The following ULK4 variants were observed in gnomAD, a reference collection of about 807,000 sequenced individuals.
ULK4 encodes the protein unc-51 like kinase 4, also known as inactive serine/threonine-protein kinase ULK4.
ULK4 carries 133 observed loss-of-function variants against 160.6 expected under a neutral mutation model. The ratio of observed to expected loss-of-function variants is 0.83; its 90% CI spans 0.72 to 0.96. The LOEUF (loss-of-function observed/expected upper bound fraction) is 0.96, where lower values mean the gene tolerates loss of function less well. Among genes scored for constraint, ULK4 ranks in the 40% least tolerant of loss-of-function variants. The probability of loss-of-function intolerance (pLI) is 0.00; values close to 1 mark genes in which losing one functional copy is unlikely to be tolerated. For synonymous variants in ULK4, 534 were observed against 539.8 expected (o/e 0.99, Z 0.15); for missense variants, 1,580 against 1,499.5 (o/e 1.05, Z -0.89).
intron 30 of ULK4, among the ~76,000 whole-genome samples, chr3:41,635,669 A>G (rs566096475): frequency 3.9e-5 from 6 of 152,310 alleles, no homozygotes; most frequent in Non-Finnish European, 7.4e-5. Flanking sequence ...CCATGCTTCA[A>G]TTAATGTCTA....
intron 30 of ULK4, among the ~76,000 whole-genome samples, chr3:41,651,932 G>C (rs1239961441): frequency 6.6e-6 from 1 of 152,144 alleles, no homozygotes; most frequent in East Asian, 1.9e-4. Context: ...ACCATGGAGA[G>C]CTCTCTGCTA....
chr3:41,867,836 C>G (rs1696951605), intron 17 of ULK4, among the ~76,000 whole-genome samples: 1 of 152,228 alleles, frequency 6.6e-6, no homozygotes, highest in African/African-American at 2.4e-5. Context: ...CCCCTTATTA[C>G]TCAGCTTTAA....
chr3:41,311,011 T>A (rs1017113920), intron 35 of ULK4, among the ~76,000 whole-genome samples: 2 of 146,420 alleles, frequency 1.4e-5, no homozygotes, highest in Non-Finnish European at 3.0e-5. Flanking sequence ...ATAATAATAA[T>A]AAATAAATAA....
chr3:41,619,595 C>G (rs768547618), intron 30 of ULK4, among the ~76,000 whole-genome samples: 1 of 152,240 alleles, frequency 6.6e-6, no homozygotes, highest in African/African-American at 2.4e-5. Context: ...GTACCAGAAT[C>G]TCTGGGACAC....
intron 32 of ULK4, among the ~76,000 whole-genome samples, chr3:41,552,243 A>G (rs373856696): frequency 5.3e-5 from 8 of 152,052 alleles, no homozygotes; most frequent in Non-Finnish European, 1.0e-4. Flanking sequence ...ACAACATAAA[A>G]TTGGAAATCC....
At chr3:41,507,748 A>T (rs910614421) in intron 32 of ULK4, among the ~76,000 whole-genome samples, 2 of 152,158 alleles carry the variant, frequency 1.3e-5, no homozygotes, top group African/African-American at 4.8e-5. Context: ...GTTGAATCCC[A>T]GTATAGTTAT....
chr3:41,807,603 T>C (rs1354828037), intron 19 of ULK4, among the ~76,000 whole-genome samples: 3 of 152,162 alleles, frequency 2.0e-5, no homozygotes, highest in Non-Finnish European at 1.5e-5. Context: ...TTAAATGAGA[T>C]AGCACACAGG....
intron 30 of ULK4, among the ~76,000 whole-genome samples, chr3:41,620,124 AC>A: frequency 6.6e-6 from 1 of 152,182 alleles, no homozygotes; most frequent in South Asian, 2.1e-4. Context: ...GTATTTAATA[AC>A]CTACTGGCCA....
chr3:41,933,502 T>C (rs1441864622), intron 4 of ULK4, among the ~76,000 whole-genome samples: 2 of 152,186 alleles, frequency 1.3e-5, no homozygotes, highest in Non-Finnish European at 2.9e-5. Flanking sequence ...TATACAAAAA[T>C]AGGAATCCTG....
intron 35 of ULK4, among the ~76,000 whole-genome samples, chr3:41,270,142 T>C (rs1228200796): frequency 6.6e-6 from 1 of 152,126 alleles, no homozygotes; most frequent in Non-Finnish European, 1.5e-5. Flanking sequence ...AAAAGCGATC[T>C]GTCATATGAA....
intron 34 of ULK4, among the ~76,000 whole-genome samples, chr3:41,445,020 C>T (rs534108721): frequency 6.0e-4 from 91 of 152,228 alleles, no homozygotes; most frequent in African/African-American, 1.9e-3. Flanking sequence ...GCAACCTCAG[C>T]GAAGTCTCAG....
At chr3:41,434,445 C>G (rs980382708) in intron 34 of ULK4, among the ~76,000 whole-genome samples, 1 of 152,148 alleles carries the variant, frequency 6.6e-6, no homozygotes, top group African/African-American at 2.4e-5. Context: ...TATACCCACA[C>G]ATATACATAT....
intron 2 of ULK4, among the ~76,000 whole-genome samples, chr3:41,953,030 A>G (rs374969728): frequency 3.3e-5 from 5 of 152,160 alleles, no homozygotes; most frequent in East Asian, 1.9e-4. Context: ...ATAGTTGCCA[A>G]AAGCTGGAGA....
chr3:41,591,497 A>G (rs2031304965), intron 31 of ULK4, among the ~76,000 whole-genome samples: 1 of 151,806 alleles, frequency 6.6e-6, no homozygotes, highest in Admixed American at 6.6e-5. Context: ...ATGAGCTTAA[A>G]AAAAAAAAAG....
intron 18 of ULK4, among the ~76,000 whole-genome samples, chr3:41,824,718 C>G (rs1182446875): frequency 1.3e-5 from 2 of 152,184 alleles, no homozygotes; most frequent in Non-Finnish European, 2.9e-5. Context: ...CTGCCTGCCT[C>G]TGTAGACTCC....
chr3:41,517,568 T>C (rs1256114792), intron 32 of ULK4, among the ~76,000 whole-genome samples: 1 of 152,218 alleles, frequency 6.6e-6, no homozygotes, highest in Admixed American at 6.5e-5. Flanking sequence ...ATTTCTGTTC[T>C]TCATAAATTA....
At position 41,785,556 on chromosome 3, in the gene ULK4, C is replaced by T. The variant is rs546204823; in HGVS notation, c.2193+4105G>A. ...GAGACTGGGTTTCCATTGTAAAAGA[C>T]CATAATATATGAGCGTCAATCCCGC... On this transcript the variant is annotated intron_variant, in intron 21 of 36. Transcript: ENST00000301831. 1.8e-4 allele frequency among the ~76,000 whole-genome samples: 27 copies of T among 152,196 alleles called. No homozygotes were observed. In the South Asian group the frequency reaches 5.6e-3, roughly 32 times the overall value.
intron 17 of ULK4, among the ~76,000 whole-genome samples, chr3:41,871,571 T>C (rs1697094192): frequency 6.6e-6 from 1 of 152,238 alleles, no homozygotes; most frequent in Admixed American, 6.5e-5. Flanking sequence ...GTTGCAGAAT[T>C]AGTTTGCTTT....
intron 34 of ULK4, among the ~76,000 whole-genome samples, chr3:41,426,589 A>T (rs1162637733): frequency 6.6e-6 from 1 of 152,208 alleles, no homozygotes; most frequent in Non-Finnish European, 1.5e-5. Flanking sequence ...AGTGCAATCA[A>T]ATTAGAACTC....
Sources: allele counts gnomAD v4.1 joint callset (sites outside exome capture counted in the v4.1 genomes callset), GRCh38; gene constraint gnomAD v4.1.1; transcripts MANE v1.5; gene names NCBI Gene and HGNC (gene_info 2026-07-23, HGNC 2026-07-21).